PRELID2: variants seen among roughly 807,000 people sequenced by gnomAD.
PRELID2 encodes PRELI domain containing 2.
PRELID2 carries 25 observed loss-of-function variants against 28.4 expected under a neutral mutation model. That is an observed-to-expected ratio of 0.88 (90% CI 0.64 to 1.23). PRELID2 has a LOEUF of 1.23. Ranked by LOEUF, PRELID2 falls within the 50% of genes most tolerant of loss-of-function variation. The pLI, the probability that PRELID2 is intolerant of heterozygous loss-of-function variation, is 0.00. For synonymous variants in PRELID2, 76 were observed against 71.6 expected, an observed-to-expected ratio of 1.06 and a Z score of -0.31; for missense variants, 201 against 214.4, an observed-to-expected ratio of 0.94 and a Z score of 0.39.
At chr5:145,787,747 C>T (rs930612298) in intron 5 of PRELID2, among the ~76,000 whole-genome samples, 1 of 152,004 alleles carries the variant, frequency 6.6e-6, no homozygotes, top group Non-Finnish European at 1.5e-5. Context: ...CCCTATGTTG[C>T]CTATGCTGGT....
intron 5 of PRELID2, among the ~76,000 whole-genome samples, chr5:145,775,789 T>C (rs1393048784): frequency 6.6e-6 from 1 of 152,184 alleles, no homozygotes; most frequent in Admixed American, 6.5e-5. Flanking sequence ...AACATAAATA[T>C]GATAGCTTGA....
the PRELID2 span, among the ~76,000 whole-genome samples, chr5:145,423,758 G>C: frequency 0.16 from 18,599 of 115,140 alleles, 1,814 homozygotes; most frequent in South Asian, 0.22. Flanking sequence ...TCTCCATCCA[G>C]CTTTGTTCCG....
the PRELID2 span, among the ~76,000 whole-genome samples, chr5:145,358,130 G>C: frequency 6.6e-6 from 1 of 152,078 alleles, no homozygotes; most frequent in African/African-American, 2.4e-5. Flanking sequence ...CCATATCCTT[G>C]CTGAGTCGGC....
At chr5:145,288,914 T>C in the PRELID2 span, among the ~76,000 whole-genome samples, 1 of 152,264 alleles carries the variant, frequency 6.6e-6, no homozygotes, top group East Asian at 1.9e-4. Flanking sequence ...TGTATGGCAA[T>C]ATCATATTGC....
At chr5:145,547,688 A>G (rs568626643) in intron 1 of PRELID2, among the ~76,000 whole-genome samples, 3 of 152,316 alleles carry the variant, frequency 2.0e-5, no homozygotes, top group African/African-American at 7.2e-5. Flanking sequence ...CAAGGTGGAT[A>G]TAATTATATG....
intron 1 of PRELID2, among the ~76,000 whole-genome samples, chr5:145,670,521 GT>G (rs1393611313): frequency 2.0e-5 from 3 of 152,104 alleles, no homozygotes; most frequent in Non-Finnish European, 4.4e-5. Context: ...TGTATCCCTG[GT>G]TTTTAGCACA....
intron 5 of PRELID2, among the ~76,000 whole-genome samples, chr5:145,772,195 CTT>C (rs1048644570): frequency 1.4e-5 from 2 of 145,758 alleles, no homozygotes. Flanking sequence ...CCCATCTCCC[CTT>C]TTTTTTTTTG....
intron 1 of PRELID2, among the ~76,000 whole-genome samples, chr5:145,667,310 C>T (rs1581039858): frequency 6.6e-6 from 1 of 152,154 alleles, no homozygotes; most frequent in East Asian, 1.9e-4. Flanking sequence ...GACCTGCATT[C>T]AAGTTTCTGC....
the PRELID2 span, among the ~76,000 whole-genome samples, chr5:145,414,181 G>T: frequency 1.3e-5 from 2 of 152,304 alleles, no homozygotes; most frequent in South Asian, 2.1e-4. Context: ...AACCGGTAGA[G>T]AACAGGACCA....
At chr5:145,819,872 A>G in intron 3 of PRELID2, 73 bp downstream of exon 3, 1 of 963,810 alleles carries the variant, frequency 1.0e-6, no homozygotes, top group Non-Finnish European at 1.7e-6. Flanking sequence ...ACATCAGAAA[A>G]TGCTGTTCCT....
the PRELID2 span, among the ~76,000 whole-genome samples, chr5:145,432,621 T>G: frequency 2.0e-5 from 3 of 152,008 alleles, no homozygotes; most frequent in Non-Finnish European, 1.5e-5. Context: ...AGGCATAACA[T>G]AGAGAAACTG....
At chr5:145,728,925 A>G (rs1339897792) in intron 1 of PRELID2, 1 of 844,322 alleles carries the variant, frequency 1.2e-6, no homozygotes, top group Admixed American at 1.7e-5. Flanking sequence ...AATACAAGCT[A>G]TCCCAGAGAA....
chr5:145,609,200 C>T (rs1001404906), intron 1 of PRELID2, among the ~76,000 whole-genome samples: 5 of 152,130 alleles, frequency 3.3e-5, no homozygotes, highest in African/African-American at 9.7e-5. Context: ...CTTTGGGTTT[C>T]GACTTTCTCC....
At chr5:145,585,847 C>G (rs1390458101) in intron 1 of PRELID2, among the ~76,000 whole-genome samples, 1 of 152,030 alleles carries the variant, frequency 6.6e-6, no homozygotes, top group Non-Finnish European at 1.5e-5. Flanking sequence ...TACCGAAAAG[C>G]CTTGGCACAC....
chr5:145,520,613 C>T (rs1380138294), intron 1 of PRELID2, among the ~76,000 whole-genome samples: 1 of 152,168 alleles, frequency 6.6e-6, no homozygotes, highest in Non-Finnish European at 1.5e-5. Flanking sequence ...CAGCCAGCCA[C>T]CTGGCACGGG....
chr5:145,579,591 A>G (rs1338873161), intron 1 of PRELID2, among the ~76,000 whole-genome samples: 1 of 152,128 alleles, frequency 6.6e-6, no homozygotes, highest in Admixed American at 6.6e-5. Context: ...AAAAGCAAAT[A>G]GAGTTGTCTG....
chr5:145,368,654 A>G, the PRELID2 span, among the ~76,000 whole-genome samples: 1 of 151,774 alleles, frequency 6.6e-6, no homozygotes, highest in African/African-American at 2.4e-5. Context: ...TTTTCTTCCA[A>G]TTTTTATTTA....
chr5:145,327,487 T>G, the PRELID2 span, among the ~76,000 whole-genome samples: 3 of 152,156 alleles, frequency 2.0e-5, no homozygotes, highest in South Asian at 6.2e-4. Context: ...ATCCCTTCAC[T>G]TTCAGCCTAT....
chr5:145,407,323 C>T, the PRELID2 span, among the ~76,000 whole-genome samples: 2 of 152,044 alleles, frequency 1.3e-5, no homozygotes, highest in African/African-American at 2.4e-5. Context: ...CTGGATAAGG[C>T]CTGTCACTTC....
Sources: gnomAD v4.1 joint callset for allele counts (sites outside exome capture counted in the v4.1 genomes callset) on GRCh38, gnomAD v4.1.1 for gene constraint, MANE v1.5 for transcripts, NCBI Gene and HGNC (gene_info 2026-07-23, HGNC 2026-07-21) for gene names.